Variants in MAGI3 observed in about 807,000 individuals in gnomAD.
MAGI3 encodes membrane associated guanylate kinase, WW and PDZ domain containing 3, also known as membrane-associated guanylate kinase, WW and PDZ domain-containing protein 3.
MAGI3 carries 43 observed loss-of-function variants against 121.8 expected under a neutral mutation model. The observed-to-expected ratio is 0.35, with a 90% CI of 0.28 to 0.46. MAGI3 has a LOEUF of 0.46. Among genes scored for constraint, MAGI3 ranks in the 20% least tolerant of loss-of-function variants. The pLI, the probability that MAGI3 is intolerant of heterozygous loss-of-function variation, is 1.00. For synonymous variants in MAGI3, 553 were observed against 639.3 expected (o/e 0.86, Z 2.04); for missense variants, 1,547 against 1,797.3 (o/e 0.86, Z 2.52).
intron 16 of MAGI3, among the ~76,000 whole-genome samples, chr1:113,665,956 G>A (rs1654023139): frequency 6.6e-6 from 1 of 152,126 alleles, no homozygotes. Context: ...TGGTTTTCTA[G>A]TGCATATAGA....
At chr1:113,527,319 G>A (rs984616549) in intron 1 of MAGI3, among the ~76,000 whole-genome samples, 1 of 152,044 alleles carries the variant, frequency 6.6e-6, no homozygotes, top group Non-Finnish European at 1.5e-5. Context: ...AGTTGGCATC[G>A]CTCAATAGGC....
intron 9 of MAGI3, among the ~76,000 whole-genome samples, chr1:113,625,841 G>A (rs945525464): frequency 6.6e-6 from 1 of 151,864 alleles, no homozygotes; most frequent in African/African-American, 2.4e-5. Flanking sequence ...TTGTATATAT[G>A]GCTTTTATTA....
At chr1:113,543,211 G>T (rs1018463540) in intron 1 of MAGI3, among the ~76,000 whole-genome samples, 1 of 151,976 alleles carries the variant, frequency 6.6e-6, no homozygotes, top group East Asian at 1.9e-4. Context: ...GAAGATAATC[G>T]ATTCAAATGG....
chr1:113,548,310 C>A (rs1659627504), intron 1 of MAGI3, among the ~76,000 whole-genome samples: 1 of 152,120 alleles, frequency 6.6e-6, no homozygotes, highest in African/African-American at 2.4e-5. Context: ...TAAGTTCAAC[C>A]CTTACTATAA....
intron 1 of MAGI3, among the ~76,000 whole-genome samples, chr1:113,443,297 T>C (rs1302374862): frequency 1.3e-5 from 2 of 152,164 alleles, no homozygotes; most frequent in Admixed American, 6.6e-5. Context: ...TGAAAATTTT[T>C]AATGCACAGA....
chr1:113,648,536 A>G (rs1167880853), intron 12 of MAGI3, among the ~76,000 whole-genome samples: 1 of 151,560 alleles, frequency 6.6e-6, no homozygotes, highest in Admixed American at 6.6e-5. Flanking sequence ...TTAATATTCT[A>G]AGGAATACAA....
intron 1 of MAGI3, among the ~76,000 whole-genome samples, chr1:113,412,372 C>A (rs959618853): frequency 6.6e-6 from 1 of 152,082 alleles, no homozygotes; most frequent in African/African-American, 2.4e-5. Flanking sequence ...ATTTATAATC[C>A]TTTGGGTATA....
At chr1:113,659,364 G>T (rs538668597) in intron 16 of MAGI3, 99 bp downstream of exon 16, 34 of 1,109,970 alleles carry the variant, frequency 3.1e-5, no homozygotes, top group Non-Finnish European at 4.4e-5. Flanking sequence ...ATCACTGCGG[G>T]GATATAACTG....
chr1:113,636,844 T>A (rs1387280317), intron 9 of MAGI3, among the ~76,000 whole-genome samples: 1 of 151,818 alleles, frequency 6.6e-6, no homozygotes, highest in Non-Finnish European at 1.5e-5. Context: ...AGTCTCCCAT[T>A]ATTATTGTGT....
chr1:113,392,827 G>C (rs1320726303), intron 1 of MAGI3, among the ~76,000 whole-genome samples: 1 of 152,082 alleles, frequency 6.6e-6, no homozygotes, highest in African/African-American at 2.4e-5. Context: ...GACTTTTGGG[G>C]CTGTAATTCA....
chr1:113,428,826 A>G (rs989366140), intron 1 of MAGI3, among the ~76,000 whole-genome samples: 17 of 152,360 alleles, frequency 1.1e-4, no homozygotes, highest in African/African-American at 3.8e-4. Flanking sequence ...CAGTTGAATA[A>G]GTAGGTTCAT....
chr1:113,614,401 G>A (rs3761931), intron 6 of MAGI3, among the ~76,000 whole-genome samples, 200 bp from the exon 7 acceptor site: 32,959 of 151,946 alleles, frequency 0.22, 4,480 homozygotes, highest in South Asian at 0.38. Flanking sequence ...CTTCTGTTCT[G>A]GGCTTCTGAT....
chr1:113,606,970 C>T (rs539908568), intron 6 of MAGI3, among the ~76,000 whole-genome samples: 27 of 152,294 alleles, frequency 1.8e-4, no homozygotes, highest in Admixed American at 8.5e-4. Context: ...TTTGCTTCTT[C>T]ACATGATTAT....
chr1:113,557,402 A>C (rs950452903), intron 2 of MAGI3, among the ~76,000 whole-genome samples: 5 of 152,204 alleles, frequency 3.3e-5, no homozygotes, highest in Non-Finnish European at 2.9e-5. Flanking sequence ...GCTGATGGGC[A>C]GAAGTGGTTC....
intron 1 of MAGI3, among the ~76,000 whole-genome samples, chr1:113,404,929 T>C (rs1246750627): frequency 6.6e-6 from 1 of 152,146 alleles, no homozygotes; most frequent in Non-Finnish European, 1.5e-5. Flanking sequence ...ATTACGAATT[T>C]CTGTGTGTTG....
intron 1 of MAGI3, among the ~76,000 whole-genome samples, chr1:113,518,458 G>C (rs1370914659): frequency 2.0e-5 from 3 of 151,724 alleles, no homozygotes; most frequent in Non-Finnish European, 4.4e-5. Flanking sequence ...TATCAGAAAG[G>C]AACCTTACTG....
chr1:113,512,076 A>T (rs112433077), intron 1 of MAGI3, among the ~76,000 whole-genome samples: 24 of 152,372 alleles, frequency 1.6e-4, no homozygotes, highest in African/African-American at 5.3e-4. Flanking sequence ...AAACGTTCAA[A>T]TGCCAACATT....
intron 1 of MAGI3, among the ~76,000 whole-genome samples, chr1:113,456,853 CT>C (rs76977595): frequency 0.078 from 10,818 of 139,566 alleles, 399 homozygotes; most frequent in Non-Finnish European, 0.09. Context: ...CGGATACAGC[CT>C]TTTTTTTTTT....
At chr1:113,615,145 A>G (rs148011017) in intron 7 of MAGI3, among the ~76,000 whole-genome samples, 1 of 152,274 alleles carries the variant, frequency 6.6e-6, no homozygotes, top group East Asian at 1.9e-4. Context: ...TTAGGGGTGA[A>G]AGTTGCTTCT....
Sources: gnomAD v4.1 joint callset for allele counts (sites outside exome capture counted in the v4.1 genomes callset) on GRCh38, gnomAD v4.1.1 for gene constraint, MANE v1.5 for transcripts, NCBI Gene and HGNC (gene_info 2026-07-23, HGNC 2026-07-21) for gene names.